The following FBXW7 variants were observed in gnomAD, a reference collection of about 807,000 sequenced individuals.
FBXW7 encodes the protein F-box/WD repeat-containing protein 7.
Under a neutral mutation model 86.3 loss-of-function variants are expected in FBXW7, and 11 were observed. The ratio of observed to expected loss-of-function variants is 0.13; its 90% CI spans 0.08 to 0.21. The LOEUF is 0.21. FBXW7 is among the 10% of genes least tolerant of loss of function. The pLI, the probability that FBXW7 is intolerant of heterozygous loss-of-function variation, is 1.00. For synonymous variants in FBXW7, 313 were observed against 297.9 expected, an observed-to-expected ratio of 1.05 and a Z score of -0.52; for missense variants, 488 against 847.4, an observed-to-expected ratio of 0.58 and a Z score of 5.27.
intron 6 of FBXW7, among the ~76,000 whole-genome samples, chr4:152,339,557 A>G (rs985980510): frequency 6.6e-6 from 1 of 152,182 alleles, no homozygotes; most frequent in Non-Finnish European, 1.5e-5. Context: ...ATAATATGCT[A>G]TACCTCTCCA....
chr4:152,434,468 T>C (rs2126959999), intron 2 of FBXW7, among the ~76,000 whole-genome samples: 1 of 152,318 alleles, frequency 6.6e-6, no homozygotes, highest in South Asian at 2.1e-4. Flanking sequence ...GATAATATGT[T>C]CATCAAATCT....
At chr4:152,355,155 T>A (rs1265496487) in intron 4 of FBXW7, among the ~76,000 whole-genome samples, 1 of 152,152 alleles carries the variant, frequency 6.6e-6, no homozygotes, top group Non-Finnish European at 1.5e-5. Flanking sequence ...TGATCTATTA[T>A]ATTACTGTCA....
chr4:152,483,205 T>C (rs1745041144), intron 2 of FBXW7, among the ~76,000 whole-genome samples: 1 of 152,174 alleles, frequency 6.6e-6, no homozygotes, highest in Non-Finnish European at 1.5e-5. Flanking sequence ...GAATTATTTG[T>C]ACTTATTCAT....
intron 4 of FBXW7, among the ~76,000 whole-genome samples, chr4:152,362,802 G>A (rs1307322080): frequency 6.8e-6 from 1 of 146,368 alleles, no homozygotes; most frequent in Non-Finnish European, 1.5e-5. Flanking sequence ...ACTGCAGCCT[G>A]GGCAACAGAG....
intron 6 of FBXW7, among the ~76,000 whole-genome samples, chr4:152,343,591 C>T (rs1234709798): frequency 6.6e-6 from 1 of 152,056 alleles, no homozygotes; most frequent in African/African-American, 2.4e-5. Flanking sequence ...GTCATTTGTG[C>T]TATTCTCAAG....
At chr4:152,330,016 G>A (rs1729402000) in intron 9 of FBXW7, among the ~76,000 whole-genome samples, 1 of 151,642 alleles carries the variant, frequency 6.6e-6, no homozygotes, top group South Asian at 2.1e-4. Context: ...AAGTTTTACT[G>A]CATCAAGACC....
intron 4 of FBXW7, among the ~76,000 whole-genome samples, chr4:152,369,746 A>AC (rs1331155385): frequency 6.6e-6 from 1 of 152,034 alleles, no homozygotes; most frequent in Non-Finnish European, 1.5e-5. Flanking sequence ...GCAAAACTGC[A>AC]CTGATCTTGG....
At chr4:152,356,127 T>C (rs560375822) in intron 4 of FBXW7, among the ~76,000 whole-genome samples, 5 of 152,300 alleles carry the variant, frequency 3.3e-5, no homozygotes, top group African/African-American at 1.2e-4. Context: ...GTCTTATATA[T>C]AGTTCTATTA....
intron 2 of FBXW7, among the ~76,000 whole-genome samples, chr4:152,442,733 C>T (rs1741010252): frequency 6.6e-6 from 1 of 152,166 alleles, no homozygotes; most frequent in Non-Finnish European, 1.5e-5. Context: ...AAGGCTTATA[C>T]AACAGTTTTG....
At chr4:152,457,088 T>C (rs1040350984) in intron 2 of FBXW7, among the ~76,000 whole-genome samples, 5 of 152,118 alleles carry the variant, frequency 3.3e-5, no homozygotes, top group Non-Finnish European at 7.4e-5. Context: ...TATAGACAAA[T>C]CTCAAATATA....
intron 4 of FBXW7, among the ~76,000 whole-genome samples, chr4:152,373,847 T>C (rs574917644): frequency 8.5e-4 from 130 of 152,180 alleles, no homozygotes; most frequent in African/African-American, 3.0e-3. Context: ...ATCTTATTTA[T>C]AGCCGGTGGC....
At chr4:152,351,476 G>A (rs1311928602) in intron 4 of FBXW7, among the ~76,000 whole-genome samples, 3 of 151,974 alleles carry the variant, frequency 2.0e-5, no homozygotes, top group African/African-American at 7.2e-5. Context: ...TTGTTTTAAA[G>A]TGATTCCTCT....
At chr4:152,382,409 A>T in intron 4 of FBXW7, 1 of 1,298,474 alleles carries the variant, frequency 7.7e-7, no homozygotes, top group Non-Finnish European at 9.8e-7. Context: ...CTAACCACTA[A>T]ATTTTAAAAA....
intron 2 of FBXW7, among the ~76,000 whole-genome samples, chr4:152,455,667 G>A (rs1469364609): frequency 6.6e-6 from 1 of 152,132 alleles, no homozygotes; most frequent in Admixed American, 6.5e-5. Context: ...TCCACTTACA[G>A]GCAAAATCTA....
chr4:152,362,439 A>C (rs1733053608), intron 4 of FBXW7, among the ~76,000 whole-genome samples: 1 of 152,200 alleles, frequency 6.6e-6, no homozygotes, highest in East Asian at 1.9e-4. Flanking sequence ...ATGATAAAGA[A>C]GACACACACA....
At chr4:152,462,196 T>A (rs997829001) in intron 2 of FBXW7, among the ~76,000 whole-genome samples, 2 of 152,224 alleles carry the variant, frequency 1.3e-5, no homozygotes, top group African/African-American at 4.8e-5. Flanking sequence ...GTGGCCTACA[T>A]CCTCTGATGT....
At chr4:152,344,071 T>A (rs1054823094) in intron 6 of FBXW7, among the ~76,000 whole-genome samples, 9 of 152,176 alleles carry the variant, frequency 5.9e-5, no homozygotes, top group African/African-American at 2.2e-4. Context: ...AAAGTCATCA[T>A]GAAATGCCCC....
intron 4 of FBXW7, among the ~76,000 whole-genome samples, chr4:152,353,831 C>T (rs960582061): frequency 1.3e-5 from 2 of 152,148 alleles, no homozygotes; most frequent in African/African-American, 4.8e-5. Context: ...TATAAGATTC[C>T]TTGAGCTAGA....
chr4:152,495,094 G>A (rs1024016771), intron 2 of FBXW7, among the ~76,000 whole-genome samples: 3 of 152,084 alleles, frequency 2.0e-5, no homozygotes, highest in African/African-American at 7.2e-5. Context: ...CAGATCACCT[G>A]AAAAGCCTTC....
Sources: gnomAD v4.1 joint callset for allele counts (sites outside exome capture counted in the v4.1 genomes callset) on GRCh38, gnomAD v4.1.1 for gene constraint, MANE v1.5 for transcripts, NCBI Gene and HGNC (gene_info 2026-07-23, HGNC 2026-07-21) for gene names.